Variants in TBC1D22A observed in about 807,000 individuals in gnomAD.
TBC1D22A encodes TBC1 domain family member 22A.
A neutral mutation model predicts 60.2 loss-of-function variants in TBC1D22A; 38 were observed. The ratio of observed to expected loss-of-function variants is 0.63; its 90% confidence interval spans 0.49 to 0.83. The LOEUF is 0.83. Among genes scored for constraint, TBC1D22A ranks in the 40% least tolerant of loss-of-function variants. The pLI is 0.00. For missense variants in TBC1D22A, 628 were observed against 701.0 expected, an observed-to-expected ratio of 0.90 and a Z score of 1.18; for synonymous variants, 302 against 281.7, an observed-to-expected ratio of 1.07 and a Z score of -0.72.
intron 4 of TBC1D22A, among the ~76,000 whole-genome samples, chr22:46,815,619 T>C (rs1400318185): frequency 6.6e-6 from 1 of 152,238 alleles, no homozygotes; most frequent in African/African-American, 2.4e-5. Context: ...ATTTGCTCAT[T>C]GATTTGTTCA....
intron 8 of TBC1D22A, among the ~76,000 whole-genome samples, chr22:46,967,287 C>A (rs1569283899): frequency 6.6e-6 from 1 of 152,216 alleles, no homozygotes; most frequent in Non-Finnish European, 1.5e-5. Flanking sequence ...TTATGCCACT[C>A]TCACCAAGGC....
At chr22:46,888,216 T>C (rs906408425) in intron 5 of TBC1D22A, among the ~76,000 whole-genome samples, 2 of 152,246 alleles carry the variant, frequency 1.3e-5, no homozygotes, top group Non-Finnish European at 2.9e-5. Flanking sequence ...GGCTGGAAGA[T>C]GGCTTAGCCG....
chr22:46,773,994 G>A, intron 1 of TBC1D22A: 3 of 985,546 alleles, frequency 3.0e-6, no homozygotes, highest in Non-Finnish European at 3.6e-6. Flanking sequence ...GACTTAACAG[G>A]TGTTGAAATT....
intron 8 of TBC1D22A, among the ~76,000 whole-genome samples, chr22:46,972,323 G>A (rs1476313361): frequency 6.6e-6 from 1 of 152,198 alleles, no homozygotes; most frequent in Non-Finnish European, 1.5e-5. Flanking sequence ...CCTGGTGCCT[G>A]GTGTATAGGG....
At chr22:46,811,956 T>G (rs1214866412) in intron 4 of TBC1D22A, among the ~76,000 whole-genome samples, 3 of 151,868 alleles carry the variant, frequency 2.0e-5, no homozygotes, top group Admixed American at 6.6e-5. Context: ...AGCTACTTAA[T>G]CCCGCCGTAG....
At chr22:46,984,446 G>A (rs1017768784) in intron 9 of TBC1D22A, among the ~76,000 whole-genome samples, 4 of 144,250 alleles carry the variant, frequency 2.8e-5, no homozygotes, top group African/African-American at 1.0e-4. Flanking sequence ...CAGGCTTTTA[G>A]GGGATTATTC....
At chr22:46,914,661 C>T (rs9616150) in intron 8 of TBC1D22A, 10,500 of 152,346 alleles carry the variant, frequency 0.069, 503 homozygotes, top group Non-Finnish European at 0.11. Flanking sequence ...GAGCACCTGC[C>T]CTGGTGCTGG....
intron 7 of TBC1D22A, among the ~76,000 whole-genome samples, chr22:46,909,626 C>G (rs2069756310): frequency 6.6e-6 from 1 of 152,214 alleles, no homozygotes; most frequent in Non-Finnish European, 1.5e-5. Flanking sequence ...GTCACCGCCT[C>G]TGTGTCATTC....
chr22:47,045,564 C>A (rs1182421633), intron 11 of TBC1D22A, among the ~76,000 whole-genome samples: 1 of 152,192 alleles, frequency 6.6e-6, no homozygotes, highest in Non-Finnish European at 1.5e-5. Context: ...TTAAAGAGTT[C>A]TTTTTTAATA....
rs543591476 is a variant in TBC1D22A at position 46,778,133 on chromosome 22, A to G, written c.63-14387A>G. Among the ~76,000 whole-genome samples, 3 of 151,296 alleles carry G rather than the reference A, an allele frequency of 2.0e-5. No homozygotes were observed. The South Asian group carries it at 6.3e-4, about 32-fold the overall frequency. ...AGCTGGTGCGATTGGCGCTCACGGGACTGGACGGTGCCCTTGGTGGGTCGG... is the reference window on the plus strand; with the variant it reads ...AGCTGGTGCGATTGGCGCTCACGGGGCTGGACGGTGCCCTTGGTGGGTCGG... On this transcript the variant is annotated intron_variant, in intron 1 of 12. Coordinates refer to ENST00000337137, the MANE Select transcript of TBC1D22A (RefSeq NM_014346.5).
At chr22:46,943,760 G>A (rs1488866720) in intron 8 of TBC1D22A, among the ~76,000 whole-genome samples, 1 of 152,174 alleles carries the variant, frequency 6.6e-6, no homozygotes, top group Non-Finnish European at 1.5e-5. Context: ...CGTCTGCATG[G>A]ATTTGCCCTT....
At chr22:47,075,222 C>CAGAA (rs1396129749) in intron 11 of TBC1D22A, among the ~76,000 whole-genome samples, 4 of 114,158 alleles carry the variant, frequency 3.5e-5, no homozygotes, top group Non-Finnish European at 7.0e-5. Context: ...GATTCCGTCT[C>CAGAA]AAAAAAAAAA....
chr22:46,854,719 G>C (rs1484556478), intron 4 of TBC1D22A, among the ~76,000 whole-genome samples: 1 of 152,140 alleles, frequency 6.6e-6, no homozygotes, highest in Non-Finnish European at 1.5e-5. Flanking sequence ...GTCCTGGCAG[G>C]AGGTGAATCA....
intron 10 of TBC1D22A, among the ~76,000 whole-genome samples, chr22:47,036,548 C>T (rs1033373171): frequency 5.3e-5 from 8 of 152,184 alleles, no homozygotes; most frequent in Non-Finnish European, 1.2e-4. Context: ...ATCCTGCAGT[C>T]GAGGGGTGTC....
At chr22:46,764,349 G>A (rs1042906830) in intron 1 of TBC1D22A, 2 of 152,232 alleles carry the variant, frequency 1.3e-5, no homozygotes, top group Non-Finnish European at 2.9e-5. Flanking sequence ...AACAAATGCT[G>A]TAGAACATAA....
At chr22:46,856,531 T>C (rs552792355) in intron 4 of TBC1D22A, among the ~76,000 whole-genome samples, 45 of 152,300 alleles carry the variant, frequency 3.0e-4, no homozygotes, top group African/African-American at 1.0e-3. Context: ...TTTAATTAAA[T>C]GCCATGCAAC....
At chr22:46,846,570 C>T (rs2087003865) in intron 4 of TBC1D22A, among the ~76,000 whole-genome samples, 1 of 152,190 alleles carries the variant, frequency 6.6e-6, no homozygotes, top group African/African-American at 2.4e-5. Flanking sequence ...TACCATCTCT[C>T]ACACTTAAAA....
intron 1 of TBC1D22A, among the ~76,000 whole-genome samples, chr22:46,788,086 G>C (rs1057506515): frequency 6.6e-6 from 1 of 151,946 alleles, no homozygotes; most frequent in Admixed American, 6.6e-5. Context: ...ATAGGCGTCC[G>C]CCACCACGAC....
At chr22:46,948,579 G>A (rs925588662) in intron 8 of TBC1D22A, among the ~76,000 whole-genome samples, 2 of 152,188 alleles carry the variant, frequency 1.3e-5, no homozygotes, top group Non-Finnish European at 2.9e-5. Context: ...CTCTGGAGTT[G>A]GTCTCTCTGT....
Sources: allele counts gnomAD v4.1 joint callset (sites outside exome capture counted in the v4.1 genomes callset), GRCh38; gene constraint gnomAD v4.1.1; transcripts MANE v1.5; gene names NCBI Gene and HGNC (gene_info 2026-07-23, HGNC 2026-07-21).